Variants in PSMD5 observed in about 807,000 individuals in gnomAD.
PSMD5 encodes the protein 26S proteasome non-ATPase regulatory subunit 5.
A neutral mutation model predicts 52.1 loss-of-function variants in PSMD5; 40 were observed. The observed-to-expected ratio is 0.77, with a 90% CI of 0.60 to 1.00. PSMD5 has a LOEUF of 1.00. PSMD5 is among the 50% of genes least tolerant of loss of function. The pLI is 0.00. For missense variants in PSMD5, 575 were observed against 605.2 expected (o/e 0.95, Z 0.52); for synonymous variants, 211 against 226.6 (o/e 0.93, Z 0.62).
chr9:120,841,938 G>C (rs2045241429), intron 1 of PSMD5: 1 of 152,132 alleles, frequency 6.6e-6, no homozygotes, highest in Non-Finnish European at 1.5e-5. Flanking sequence ...CCTGATAAAG[G>C]TACCTAGGTT....
At chr9:120,827,727 CAG>C (rs1198718679) in intron 5 of PSMD5, among the ~76,000 whole-genome samples, 12 of 152,236 alleles carry the variant, frequency 7.9e-5, no homozygotes, top group African/African-American at 2.9e-4. Context: ...ACAGGACAAT[CAG>C]AAAATCATTT....
At chr9:120,827,905 G>T (rs1429244071) in intron 5 of PSMD5, among the ~76,000 whole-genome samples, 3 of 152,256 alleles carry the variant, frequency 2.0e-5, no homozygotes, top group Non-Finnish European at 4.4e-5. Context: ...TTAGGGAATA[G>T]CGGGTGGAAG....
rs995302622 is a variant in PSMD5 at position 120,816,385 on chromosome 9, C to A, written c.*1521G>T. 8 of 151,654 alleles carry A rather than the reference C, an allele frequency of 5.3e-5. No individual in the cohort carries two copies. Among genetic ancestry groups the A allele is most frequent in the Non-Finnish European group, 7.4e-5 (5 of 67,918 alleles). 9.4% of individuals were successfully genotyped at this position (151,654 alleles called of 1,614,324 possible). A position where few individuals can be genotyped will look rare whatever the true frequency, so the allele number is the denominator to read the frequency against. On this transcript the variant is annotated 3_prime_UTR_variant, in exon 10 of 10. Transcript: ENST00000210313. ...GACAAATTTTATTGTATATATTGCA[C>A]CACATTGAAAAAAAATCAACATCAT... is the stretch of plus-strand genomic sequence containing the variant.
intron 7 of PSMD5, among the ~76,000 whole-genome samples, chr9:120,822,682 G>A (rs776629319): frequency 4.0e-5 from 6 of 151,612 alleles, no homozygotes; most frequent in South Asian, 2.1e-4. Flanking sequence ...GATTACAGGC[G>A]CCTGCCATCA....
At chr9:120,828,663 T>C (rs2045139834) in intron 5 of PSMD5, among the ~76,000 whole-genome samples, 1 of 152,022 alleles carries the variant, frequency 6.6e-6, no homozygotes, top group Admixed American at 6.6e-5. Flanking sequence ...CCTGACCTCA[T>C]GAATCGCCCA....
At chr9:120,824,777 A>C in intron 6 of PSMD5, 92 bp from the exon 7 acceptor site, 1 of 1,064,794 alleles carries the variant, frequency 9.4e-7, no homozygotes, top group Non-Finnish European at 1.3e-6. Context: ...AATGAACTGC[A>C]GGCCAGAAAA....
chr9:120,840,537 T>C (rs2045227566), intron 1 of PSMD5, among the ~76,000 whole-genome samples: 1 of 151,514 alleles, frequency 6.6e-6, no homozygotes. Context: ...CCTCCACCTC[T>C]CAGGTTCAAG....
chr9:120,840,619 C>CTTTTTTT (rs35843505), intron 1 of PSMD5, among the ~76,000 whole-genome samples: 2 of 116,176 alleles, frequency 1.7e-5, no homozygotes, highest in African/African-American at 3.2e-5. Flanking sequence ...CTAATTTTTG[C>CTTTTTTT]TTTTTTTTTT....
At chr9:120,822,597 G>A (rs544367966) in intron 7 of PSMD5, among the ~76,000 whole-genome samples, 23 of 152,032 alleles carry the variant, frequency 1.5e-4, no homozygotes, top group African/African-American at 5.1e-4. Context: ...CACCCAGGCT[G>A]GAGTGCAATG....
intron 1 of PSMD5, among the ~76,000 whole-genome samples, chr9:120,838,043 T>C (rs2045209825): frequency 1.3e-5 from 2 of 152,110 alleles, no homozygotes; most frequent in African/African-American, 2.4e-5. Context: ...TATGATCCCT[T>C]CCCCCCATGT....
At chr9:120,826,942 T>G in intron 5 of PSMD5, 35 bp from the exon 6 acceptor site, 1 of 1,591,000 alleles carries the variant, frequency 6.3e-7, no homozygotes, top group Non-Finnish European at 8.6e-7. Flanking sequence ...AAGGAGATTT[T>G]GCACAGGATT....
chr9:120,818,733 T>G (rs1024028362), intron 9 of PSMD5, among the ~76,000 whole-genome samples: 1 of 151,386 alleles, frequency 6.6e-6, no homozygotes, highest in African/African-American at 2.4e-5. Flanking sequence ...TAGACAAATT[T>G]TAAAAAAACG....
intron 4 of PSMD5, among the ~76,000 whole-genome samples, chr9:120,830,187 G>T (rs907570226): frequency 6.6e-6 from 1 of 152,164 alleles, no homozygotes; most frequent in Admixed American, 6.5e-5. Flanking sequence ...ATGAGCCAAG[G>T]TCTAATACCC....
chr9:120,841,590 C>CAAACA (rs75536119), intron 1 of PSMD5, among the ~76,000 whole-genome samples: 27,505 of 151,614 alleles, frequency 0.18, 2,919 homozygotes, highest in Non-Finnish European at 0.24. Context: ...AACAAACAAA[C>CAAACA]AAACAAAACA....
rs140833161 is a variant in PSMD5, at chr9:120,817,720, C to G, written c.*186G>C. ...CAAGCTTGTCTGCTCTTAATGCATT[C>G]CAAACTCCTAGTTCCACTTTGCATT... is the stretch of plus-strand genomic sequence containing the variant. On this transcript the variant is annotated 3_prime_UTR_variant, in exon 10 of 10. Coordinates refer to ENST00000210313, the MANE Select transcript of PSMD5 (RefSeq NM_005047.4). 5.1e-3 allele frequency: 3,434 copies of G among 677,444 alleles called. 15 individuals carry two copies. Among genetic ancestry groups the G allele is most frequent in the Middle Eastern group, 8.3e-3 (21 of 2,536 alleles). 42.0% of individuals were successfully genotyped at this position (677,444 alleles called of 1,614,324 possible).
At chr9:120,830,050 G>A (rs2045149407) in intron 4 of PSMD5, among the ~76,000 whole-genome samples, 2 of 152,166 alleles carry the variant, frequency 1.3e-5, no homozygotes, top group African/African-American at 2.4e-5. Flanking sequence ...TAGCCCAGGT[G>A]AGTGACACCA....
chr9:120,834,207 C>G (rs1299182103), intron 1 of PSMD5, among the ~76,000 whole-genome samples: 1 of 151,900 alleles, frequency 6.6e-6, no homozygotes, highest in African/African-American at 2.4e-5. Context: ...ATCTCGATCT[C>G]CTGACCTTGT....
intron 1 of PSMD5, among the ~76,000 whole-genome samples, chr9:120,837,169 G>A (rs1047518451): frequency 2.6e-5 from 4 of 152,160 alleles, no homozygotes; most frequent in Admixed American, 6.5e-5. Flanking sequence ...GATTACAGGC[G>A]TTAGCCACCG....
In PSMD5 at chr9:120,831,847, T is replaced by A. The variant is rs2045163317; in HGVS notation, c.417A>T (p.Leu139=). 6.2e-7 allele frequency: 1 copy of A among 1,613,014 alleles called. No individual in the cohort carries two copies. Among genetic ancestry groups the A allele is most frequent in the African/African-American group, 1.3e-5 (1 of 74,922 alleles). Residue 139 remains leucine (L), a synonymous_variant, in exon 3 of 10, where the codon CTA becomes CTT. Transcript: ENST00000210313. ...GTAGACTCACCGCTTTTGCTACAGA[T>A]AGATTCTCTCCACCAATGCAATAAA... The part of the protein sequence containing the change: ...QIVYCIGGEN[L]SVAKAAIKSL...
Sources: gnomAD v4.1 joint callset for allele counts (sites outside exome capture counted in the v4.1 genomes callset) on GRCh38, gnomAD v4.1.1 for gene constraint, MANE v1.5 for transcripts, NCBI Gene and HGNC (gene_info 2026-07-23, HGNC 2026-07-21) for gene names.